The following SAP130 variants were observed in gnomAD, a reference collection of about 807,000 sequenced individuals.
The protein encoded by SAP130 is Sin3A associated protein 130.
SAP130 carries 16 observed loss-of-function variants against 103.2 expected under a neutral mutation model. The ratio of observed to expected loss-of-function variants is 0.16; its 90% confidence interval spans 0.10 to 0.24. SAP130 has a LOEUF of 0.24. Among genes scored for constraint, SAP130 ranks in the 10% least tolerant of loss-of-function variants. The pLI is 1.00. For missense variants in SAP130, 990 were observed against 1,359.7 expected (o/e 0.73, Z 4.28); for synonymous variants, 477 against 497.0 (o/e 0.96, Z 0.53).
At chr2:128,016,292 T>C (rs1433595378) in intron 4 of SAP130, 97 bp downstream of exon 4, 24 of 1,290,386 alleles carry the variant, frequency 1.9e-5, no homozygotes, top group Non-Finnish European at 2.5e-5. Context: ...TGATCTTTTT[T>C]TATTACCGTG....
Position 127,941,921 on chromosome 2 carries a change from C to T in SAP130, c.*85G>A. On this transcript the variant is annotated 3_prime_UTR_variant, in exon 21 of 21. Coordinates refer to ENST00000643581, the MANE Select transcript of SAP130 (RefSeq NM_001330301.2). The stretch of plus-strand genomic sequence containing the variant: ...GGAACACTTCCTTTATTTCAATGTT[C>T]CACTTTGGAAAAAACCAAAACCCTC... 2.3e-6 allele frequency: 2 copies of T among 863,952 alleles called. No homozygotes were observed. Among genetic ancestry groups the T allele is most frequent in the Non-Finnish European group, 1.8e-6 (1 of 547,156 alleles). The allele number at this position is 863,952 out of a possible 1,614,324, so 53.5% of individuals were successfully genotyped here.
rs980452251 is a variant in SAP130, at chr2:128,027,966, C to T, written c.-33G>A. The T allele has an allele frequency of 3.0e-6, 3 of 985,510 alleles. No individual in the cohort carries two copies. The highest frequency in any genetic ancestry group is 3.5e-5 in the African/African-American group (2 of 57,240). 61.0% of individuals were successfully genotyped at this position (985,510 alleles called of 1,614,324 possible). ...TGGGTGCTGCGCCCAGTGGCCGCCG[C>T]GCCGCCTTGAGCTCGCTCCCGCGCG... On this transcript the variant is annotated 5_prime_UTR_variant, in exon 1 of 21. Coordinates refer to ENST00000643581, the MANE Select transcript of SAP130 (RefSeq NM_001330301.2).
chr2:127,961,575 T>C lies in SAP130; in HGVS notation c.2064-6231A>G, dbSNP rs373518071. ...TTTTTTGACTTGTAACCATATTTTA[T>C]TTACCCAGTCCCCTATTTGTGGAGT... On this transcript the variant is annotated intron_variant, in intron 15 of 20. Transcript: ENST00000643581. Among the ~76,000 whole-genome samples, 7 of 152,092 alleles carry C rather than the reference T, an allele frequency of 4.6e-5. No homozygotes were observed. The East Asian group carries it at 1.4e-3, about 29-fold the overall frequency.
chr2:128,027,298 C>G, intron 1 of SAP130: 1 of 1,160,394 alleles, frequency 8.6e-7, no homozygotes, highest in Non-Finnish European at 1.1e-6. Flanking sequence ...GTCCTCTTCC[C>G]CCGAACCTGC....
At chr2:127,992,398 A>G (rs1682872843) in intron 12 of SAP130, among the ~76,000 whole-genome samples, 1 of 150,412 alleles carries the variant, frequency 6.6e-6, no homozygotes, top group Non-Finnish European at 1.5e-5. Flanking sequence ...TTCCTGCTTT[A>G]TCCTCCCAAG....
rs1186244593 is a variant in SAP130, at chr2:127,942,519, C to T, written c.2920G>A (p.Val974Ile). 6.2e-7 allele frequency: 1 copy of T among 1,610,106 alleles called. No individual in the cohort carries two copies. Among genetic ancestry groups the T allele is most frequent in the Non-Finnish European group, 8.5e-7 (1 of 1,176,380 alleles). The change falls in exon 20 of 21, where the codon GTC becomes ATC. Residue 974 changes from valine to isoleucine, a missense_variant. Transcript: ENST00000643581. The surrounding 1 kb of genome is among the most constrained non-coding windows in gnomAD (Gnocchi z 4.8). ...LLQLTNLEHD[V>I]YERLTNLQEG... The stretch of plus-strand genomic sequence containing the variant: ...TGCAGGTTAGTAAGTCTTTCATAGA[C>T]ATCATGTTCTAGATTCGTCTGCAAC...
chr2:127,967,993 A>G (rs1680780067), intron 15 of SAP130, among the ~76,000 whole-genome samples: 1 of 152,232 alleles, frequency 6.6e-6, no homozygotes, highest in South Asian at 2.1e-4. Flanking sequence ...GGGAAAATGG[A>G]AAAATTCACA....
intron 15 of SAP130, among the ~76,000 whole-genome samples, chr2:127,964,494 C>CAAAAAAAAAA (rs55755397): frequency 7.2e-5 from 5 of 69,894 alleles, no homozygotes; most frequent in Non-Finnish European, 1.0e-4. Context: ...AACTCCATCT[C>CAAAAAAAAAA]AAAAAAAAAA....
chr2:127,945,295 T>C (rs1678998513), intron 19 of SAP130, among the ~76,000 whole-genome samples, 161 bp downstream of exon 19: 1 of 152,224 alleles, frequency 6.6e-6, no homozygotes, highest in South Asian at 2.1e-4. Context: ...CACATGTAAC[T>C]GACACAGTGT....
At chr2:127,965,435 C>T (rs1242747305) in intron 15 of SAP130, among the ~76,000 whole-genome samples, 1 of 152,154 alleles carries the variant, frequency 6.6e-6, no homozygotes, top group Non-Finnish European at 1.5e-5. Flanking sequence ...TGTGCCACTG[C>T]ACTCCAGCTT....
At position 127,953,430 on chromosome 2, in the gene SAP130, CAG is replaced by C. The variant is rs1427473517; in HGVS notation, c.2422+1554_2422+1555del. 1.3e-5 allele frequency among the ~76,000 whole-genome samples: 2 copies of C among 152,174 alleles called. No homozygotes were observed. The highest frequency in any genetic ancestry group is 1.3e-4 in the Admixed American group (2 of 15,258). ...CAGAGTCTGTTCTTTCCCCAGCAGC[CAG>C]AGTGTTTATCTTCAGTCCTAAGTGA... On this transcript the variant is annotated intron_variant, in intron 16 of 20. Coordinates refer to ENST00000643581, the MANE Select transcript of SAP130 (RefSeq NM_001330301.2). This position sits in a 1 kb window ranked among gnomAD's most constrained non-coding sequence, Gnocchi z 4.0.
intron 14 of SAP130, among the ~76,000 whole-genome samples, chr2:127,983,440 G>A (rs1682101592): frequency 6.6e-6 from 1 of 152,184 alleles, no homozygotes; most frequent in Non-Finnish European, 1.5e-5. Flanking sequence ...GTCTGAAAAT[G>A]GCAGTGAGGC....
intron 2 of SAP130, among the ~76,000 whole-genome samples, chr2:128,024,344 A>G (rs1201299477): frequency 2.6e-5 from 4 of 151,832 alleles, no homozygotes; most frequent in South Asian, 2.1e-4. Context: ...GGTTGGCAGG[A>G]GGAAGGCTAA....
chr2:128,005,557 G>A (rs1431590609), intron 7 of SAP130, among the ~76,000 whole-genome samples: 1 of 151,964 alleles, frequency 6.6e-6, no homozygotes, highest in Admixed American at 6.5e-5. Context: ...GGAGACTGCA[G>A]TGAGCTGAGA....
Position 127,986,967 on chromosome 2 carries a change from A to G in SAP130, c.1781-5T>C. The G allele has an allele frequency of 6.2e-7, 1 of 1,605,504 alleles. No individual in the cohort carries two copies. The highest frequency in any genetic ancestry group is 2.2e-5 in the East Asian group (1 of 44,616). On this transcript the variant is annotated splice_region_variant and splice_polypyrimidine_tract_variant and intron_variant, in intron 13 of 20. Transcript: ENST00000643581. The surrounding 1 kb of genome is among the most constrained non-coding windows in gnomAD (Gnocchi z 4.7). ...CTCCATCTGCCAACACCACTGCTACAGGAGAGAGGCAACAGGAAAGAACAT... is the reference window on the plus strand; with the variant it reads ...CTCCATCTGCCAACACCACTGCTACGGGAGAGAGGCAACAGGAAAGAACAT...
intron 2 of SAP130, 83 bp from the exon 3 acceptor site, chr2:128,017,998 T>A (rs1684895115): frequency 3.0e-5 from 34 of 1,142,344 alleles, no homozygotes; most frequent in Non-Finnish European, 4.2e-5. Flanking sequence ...GTACCTGAAG[T>A]TAAATCTCAG....
chr2:127,989,594 G>C lies in SAP130; in HGVS notation c.1750C>G (p.Gln584Glu). The change falls in exon 13 of 21, where the codon CAG (glutamine) becomes GAG (glutamate). Residue 584 changes from glutamine (Q) to glutamate (E), a missense_variant. Physicochemically the swap from Gln to Glu is conservative, Grantham distance 29 (BLOSUM62 2). This residue lies in a region of SAP130 where 349 missense variants were observed against 384.1 expected (regional missense o/e 0.91). Transcript: ENST00000643581. The surrounding 1 kb of genome is among the most constrained non-coding windows in gnomAD (Gnocchi z 4.6). ...QGLQPAPMGTQQPQPEGKTSA... is the reference protein window; with the variant it reads ...QGLQPAPMGTEQPQPEGKTSA... ...GTCTTTCCTTCAGGCTGAGGCTGCT[G>C]AGTACCCATAGGTGCAGGCTGAAGC... 6.2e-7 allele frequency: 1 copy of C among 1,613,758 alleles called. No individual in the cohort carries two copies. The highest frequency in any genetic ancestry group is 8.5e-7 in the Non-Finnish European group (1 of 1,179,674).
chr2:127,974,822 AT>A, intron 15 of SAP130, among the ~76,000 whole-genome samples: 1 of 152,342 alleles, frequency 6.6e-6, no homozygotes, highest in East Asian at 1.9e-4. Flanking sequence ...TCAAAAATAA[AT>A]AAAGATTATA....
In SAP130 at chr2:127,953,128, A is replaced by G. The variant is rs1679603750; in HGVS notation, c.2422+1858T>C. ...AAAACTAAACTCCTAATCTTTCCCT[A>G]CAAAACATGGTCCTCCTGCAGGCTT... On this transcript the variant is annotated intron_variant, in intron 16 of 20. Coordinates refer to ENST00000643581, the MANE Select transcript of SAP130 (RefSeq NM_001330301.2). This position sits in a 1 kb window ranked among gnomAD's most constrained non-coding sequence, Gnocchi z 4.0. Among the ~76,000 whole-genome samples the G allele has an allele frequency of 1.3e-5, 2 of 152,154 alleles. No individual in the cohort carries two copies. The highest frequency in any genetic ancestry group is 4.1e-4 in the South Asian group (2 of 4,832).
Sources: gnomAD v4.1 joint callset for allele counts (sites outside exome capture counted in the v4.1 genomes callset) on GRCh38, gnomAD v4.1.1 for gene constraint, gnomAD v4.1.1 regional missense constraint, Gnocchi (gnomAD v3.1) non-coding constraint, MANE v1.5 for transcripts, NCBI Gene and HGNC (gene_info 2026-07-23, HGNC 2026-07-21) for gene names.